The following KLHL4 variants were observed in gnomAD, a reference collection of about 807,000 sequenced individuals.
The protein encoded by KLHL4 is kelch like family member 4, also known as kelch-like protein 4.
A neutral mutation model predicts 45.8 loss-of-function variants in KLHL4; 17 were observed. The observed-to-expected ratio is 0.37, with a 90% CI of 0.25 to 0.56. The LOEUF (loss-of-function observed/expected upper bound fraction) is 0.56. Ranked by LOEUF, KLHL4 falls within the 20% of genes least tolerant of loss-of-function variation. The pLI, the probability that KLHL4 is intolerant of heterozygous loss-of-function variation, is 0.79. For missense variants in KLHL4, 544 were observed against 544.9 expected, an observed-to-expected ratio of 1.00 and a Z score of 0.02; for synonymous variants, 224 against 189.9, an observed-to-expected ratio of 1.18 and a Z score of -1.47.
At chrX:87,537,394 T>C (rs1931455026) in intron 1 of KLHL4, among the ~76,000 whole-genome samples, 1 of 111,506 alleles carries the variant, frequency 9.0e-6, no homozygotes, top group East Asian at 2.8e-4. Flanking sequence ...TTTATTTTTA[T>C]ATTAATGTTT....
chrX:87,609,466 G>A (rs372277685), intron 1 of KLHL4, among the ~76,000 whole-genome samples: 218 of 111,742 alleles, frequency 2.0e-3, no homozygotes, highest in African/African-American at 6.8e-3. Context: ...CTGGTGTGAG[G>A]TGGTATCTCA....
At chrX:87,571,211 A>T (rs1465572583) in intron 1 of KLHL4, among the ~76,000 whole-genome samples, 2 of 110,818 alleles carry the variant, frequency 1.8e-5, no homozygotes, top group Non-Finnish European at 3.8e-5. Context: ...ATCAATTCGT[A>T]TGCATTTTAT....
At chrX:87,527,404 G>A (rs974483120) in intron 1 of KLHL4, among the ~76,000 whole-genome samples, 1 of 111,180 alleles carries the variant, frequency 9.0e-6, no homozygotes, top group African/African-American at 3.3e-5. Flanking sequence ...ATTCACATGG[G>A]TGCCTGCAGC....
chrX:87,625,918 G>T (rs1277603906), intron 6 of KLHL4, 122 bp downstream of exon 6: 1 of 515,430 alleles, frequency 1.9e-6, no homozygotes, highest in South Asian at 4.6e-5. Context: ...CATAAATAGG[G>T]TGCATTATAT....
At chrX:87,532,017 A>G (rs1931297829) in intron 1 of KLHL4, among the ~76,000 whole-genome samples, 1 of 108,836 alleles carries the variant, frequency 9.2e-6, no homozygotes, top group African/African-American at 3.3e-5. Flanking sequence ...AAGAGCCCGC[A>G]TCGCCAAGTC....
chrX:87,575,236 G>T (rs1246397109), intron 1 of KLHL4, among the ~76,000 whole-genome samples: 1 of 111,831 alleles, frequency 8.9e-6, no homozygotes, highest in African/African-American at 3.3e-5. Context: ...GCGGACAAGT[G>T]AGTATTACTT....
intron 1 of KLHL4, among the ~76,000 whole-genome samples, chrX:87,540,886 C>A (rs1931536634): frequency 8.9e-6 from 1 of 111,759 alleles, no homozygotes; most frequent in Non-Finnish European, 1.9e-5. Flanking sequence ...AACACCATCA[C>A]AAACATTTGA....
At chrX:87,603,231 A>G (rs1262886830) in intron 1 of KLHL4, among the ~76,000 whole-genome samples, 1 of 112,199 alleles carries the variant, frequency 8.9e-6, no homozygotes. Context: ...GATATGACAT[A>G]TCAGTTATTT....
intron 1 of KLHL4, among the ~76,000 whole-genome samples, chrX:87,591,651 T>C (rs1165071672): frequency 8.9e-6 from 1 of 111,955 alleles, no homozygotes; most frequent in Non-Finnish European, 1.9e-5. Context: ...TTTAGTCTGA[T>C]ATAATCCTAT....
intron 1 of KLHL4, among the ~76,000 whole-genome samples, chrX:87,589,875 C>G (rs1439097996): frequency 1.1e-5 from 1 of 93,364 alleles, no homozygotes; most frequent in Non-Finnish European, 2.2e-5. Context: ...ACTAAAAATA[C>G]AAAAAAAAAA....
At chrX:87,617,787 C>A in intron 3 of KLHL4, 145 bp from the exon 4 acceptor site, 1 of 444,299 alleles carries the variant, frequency 2.3e-6, no homozygotes, top group Non-Finnish European at 3.9e-6. Flanking sequence ...GACTCTCTTG[C>A]GTATATTAGC....
chrX:87,629,045 T>C (rs1164174852), intron 6 of KLHL4, among the ~76,000 whole-genome samples: 1 of 112,016 alleles, frequency 8.9e-6, no homozygotes, highest in Non-Finnish European at 1.9e-5. Context: ...TAAAGGCTAA[T>C]ACTGTCGCTT....
At chrX:87,652,479 C>T (rs1029852549) in intron 9 of KLHL4, among the ~76,000 whole-genome samples, 1 of 112,032 alleles carries the variant, frequency 8.9e-6, no homozygotes, top group African/African-American at 3.2e-5. Context: ...TTTCTTCTAC[C>T]AGATACCCTA....
chrX:87,604,993 C>A (rs1460259267), intron 1 of KLHL4, among the ~76,000 whole-genome samples: 1 of 111,144 alleles, frequency 9.0e-6, no homozygotes, highest in Admixed American at 9.6e-5. Context: ...GCTGGATATC[C>A]AATTTTCCCA....
At chrX:87,593,863 G>A (rs1921755666) in intron 1 of KLHL4, among the ~76,000 whole-genome samples, 1 of 111,490 alleles carries the variant, frequency 9.0e-6, no homozygotes, top group African/African-American at 3.3e-5. Context: ...TTGCTAGAAA[G>A]GGTGGGATTA....
chrX:87,597,592 T>C (rs1921878261), intron 1 of KLHL4, among the ~76,000 whole-genome samples: 2 of 111,775 alleles, frequency 1.8e-5, no homozygotes, highest in African/African-American at 6.5e-5. Context: ...TCGAGTTAGG[T>C]ACATATGGAA....
At chrX:87,538,407 A>G (rs1486462368) in intron 1 of KLHL4, among the ~76,000 whole-genome samples, 1 of 111,970 alleles carries the variant, frequency 8.9e-6, no homozygotes, top group African/African-American at 3.2e-5. Context: ...AGCTATTATA[A>G]TTATTCCACT....
chrX:87,550,933 G>A (rs748533392), intron 1 of KLHL4, among the ~76,000 whole-genome samples: 1 of 110,766 alleles, frequency 9.0e-6, no homozygotes, highest in African/African-American at 3.3e-5. Flanking sequence ...GCATCCTTCT[G>A]AGAACCGGAA....
chrX:87,571,623 T>C (rs1932336092), intron 1 of KLHL4, among the ~76,000 whole-genome samples: 1 of 111,422 alleles, frequency 9.0e-6, no homozygotes, highest in African/African-American at 3.2e-5. Context: ...TTTCTAATTT[T>C]AAAAAAGCTT....
Sources: allele counts gnomAD v4.1 joint callset (sites outside exome capture counted in the v4.1 genomes callset), GRCh38; gene constraint gnomAD v4.1.1; transcripts MANE v1.5; gene names NCBI Gene and HGNC (gene_info 2026-07-23, HGNC 2026-07-21).